The following MNT variants were observed in gnomAD, a reference collection of about 807,000 sequenced individuals.
The protein encoded by MNT is max-binding protein MNT.
Under a neutral mutation model 40.7 loss-of-function variants are expected in MNT, and 13 were observed. That is an observed-to-expected ratio of 0.32 (90% CI 0.21 to 0.51). MNT has a LOEUF of 0.51. Ranked by LOEUF, MNT falls within the 20% of genes least tolerant of loss-of-function variation. MNT has a pLI of 0.98. For missense variants in MNT, 757 were observed against 792.0 expected (o/e 0.96, Z 0.53); for synonymous variants, 426 against 354.8 (o/e 1.20, Z -2.26).
At chr17:2,392,874 G>T (rs936398997) in intron 4 of MNT, 7 of 152,108 alleles carry the variant, frequency 4.6e-5, no homozygotes, top group African/African-American at 1.7e-4. Flanking sequence ...AGGGCGGGCG[G>T]AAGGGCGCGT....
At position 2,385,423 on chromosome 17, in the gene MNT, GGTGA is replaced by G. The variant is rs1177635329; in HGVS notation, c.*1474_*1477del. On this transcript the variant is annotated 3_prime_UTR_variant, in exon 6 of 6. Coordinates refer to ENST00000174618, the MANE Select transcript of MNT (RefSeq NM_020310.3). ...CCTCCCGCTACACTGAAAGGCCACT[GGTGA>G]GTGTGTGTCCAGGTGGGGAGCCGAG... 1 of 152,270 alleles carries G rather than the reference GGTGA, an allele frequency of 6.6e-6. No individual in the cohort carries two copies. The highest frequency in any genetic ancestry group is 1.5e-5 in the Non-Finnish European group (1 of 68,112). 9.4% of individuals were successfully genotyped at this position (152,270 alleles called of 1,614,324 possible).
Position 2,395,195 on chromosome 17 carries a change from G to C in MNT, c.333C>G (p.Ala111=). 1 of 1,463,692 alleles carries C rather than the reference G, an allele frequency of 6.8e-7. No homozygotes were observed. 90.7% of individuals were successfully genotyped at this position (1,463,692 alleles called of 1,614,324 possible). A position where few individuals can be genotyped will look rare whatever the true frequency, so the allele number is the denominator to read the frequency against. ...LPPPPPLPAA[A]QPLPLAPRQP... is the part of the protein sequence containing the mutation. ...GACGAGGCGCCAGGGGCAGAGGCTG[G>C]GCTGCCGCGGGCAAGGGTGGGGGTG... Residue 111 remains alanine (A), a synonymous_variant, in exon 2 of 6, where the codon GCC becomes GCG. Coordinates refer to ENST00000174618, the MANE Select transcript of MNT (RefSeq NM_020310.3).
In MNT at chr17:2,388,016, C is replaced by T. The variant is rs1343968250; in HGVS notation, c.841G>A (p.Glu281Lys). ...TTCTCACGTGCCAGCCGCTCCATTTCATGCTCATATTCCTTCTCCTTCCTC... is the reference window on the plus strand; with the variant it reads ...TTCTCACGTGCCAGCCGCTCCATTTTATGCTCATATTCCTTCTCCTTCCTC... ...LKRKEKEYEH[E>K]MERLAREKIA... Residue 281 changes from glutamate (E) to lysine (K), a missense_variant, in exon 5 of 6, where the codon GAA becomes AAA. By Grantham distance (56) the Glu-to-Lys change is moderately conservative. This residue lies in a region of MNT where 73 missense variants were observed against 100.8 expected (regional missense o/e 0.72). Coordinates refer to ENST00000174618, the MANE Select transcript of MNT (RefSeq NM_020310.3). The T allele has an allele frequency of 6.4e-7, 1 of 1,567,388 alleles. No homozygotes were observed. The highest frequency in any genetic ancestry group is 1.2e-5 in the South Asian group (1 of 86,164).
Position 2,395,420 on chromosome 17 carries a change from T to TCGCTCCTGCTCCAAGCGAAGC in MNT, c.87_107dup (p.Leu30_Arg36dup), listed in dbSNP as rs747820798. Reference sequence around the variant, plus strand: ...TATTGGCCTTCTTCTGTTCCTGCTCTCGCTCCTGCTCCAAGCGAAGCCGCT... The same window carrying TCGCTCCTGCTCCAAGCGAAGC: ...TATTGGCCTTCTTCTGTTCCTGCTCTCGCTCCTGCTCCAAGCGAAGCCGCTCCTGCTCCAAGCGAAGCCGCT... On this transcript the variant is annotated inframe_insertion, in exon 2 of 6. Coordinates refer to ENST00000174618, the MANE Select transcript of MNT (RefSeq NM_020310.3). The TCGCTCCTGCTCCAAGCGAAGC allele has an allele frequency of 2.1e-5, 34 of 1,613,158 alleles. No individual in the cohort carries two copies. In the South Asian group the frequency reaches 2.6e-4, roughly 13 times the overall value.
chr17:2,393,092 C>T (rs1325925709), intron 4 of MNT, among the ~76,000 whole-genome samples: 1 of 151,932 alleles, frequency 6.6e-6, no homozygotes, highest in Admixed American at 6.5e-5. Flanking sequence ...GCGCCGCCCC[C>T]GGAGCTTCCT....
At chr17:2,395,580 A>G (rs1398392581) in intron 1 of MNT, 126 bp from the exon 2 acceptor site, 14 of 1,480,736 alleles carry the variant, frequency 9.5e-6, no homozygotes, top group African/African-American at 1.4e-5. Context: ...AGACACCACA[A>G]ATAGCCTACC....
intron 1 of MNT, among the ~76,000 whole-genome samples, chr17:2,399,660 C>A (rs1044839676): frequency 2.6e-5 from 4 of 151,950 alleles, no homozygotes; most frequent in African/African-American, 9.7e-5. Flanking sequence ...CCAGGCCCCG[C>A]CCCCGGCCGA....
chr17:2,388,462 T>C (rs1335580345), intron 4 of MNT, among the ~76,000 whole-genome samples: 2 of 152,072 alleles, frequency 1.3e-5, no homozygotes, highest in African/African-American at 2.4e-5. Flanking sequence ...CCTGGTAACA[T>C]CAACATCCTT....
chr17:2,393,968 C>T, intron 4 of MNT, 75 bp downstream of exon 4: 2 of 1,017,684 alleles, frequency 2.0e-6, no homozygotes, highest in Non-Finnish European at 2.7e-6. Context: ...GAGGGCGGGG[C>T]GGGGCGCGGC....
intron 4 of MNT, 81 bp downstream of exon 4, chr17:2,393,962 G>T: frequency 1.1e-6 from 1 of 915,964 alleles, no homozygotes; most frequent in Non-Finnish European, 1.5e-6. Context: ...GGGCGTGAGG[G>T]CGGGGCGGGG....
intron 1 of MNT, among the ~76,000 whole-genome samples, chr17:2,395,784 C>T (rs1448646943): frequency 6.6e-6 from 1 of 152,064 alleles, no homozygotes; most frequent in Non-Finnish European, 1.5e-5. Flanking sequence ...TGCAGGCCAC[C>T]TGCCAGCCTG....
intron 2 of MNT, 40 bp from the exon 3 acceptor site, chr17:2,394,386 C>T: frequency 6.2e-7 from 1 of 1,612,386 alleles, no homozygotes; most frequent in Non-Finnish European, 8.5e-7. Context: ...GAGGAGGACT[C>T]GATTAGACGG....
rs1433568256 is a variant in MNT at position 2,385,643 on chromosome 17, C to CG, written c.*1257dup. 3.3e-5 allele frequency: 5 copies of CG among 152,354 alleles called. No homozygotes were observed. The highest frequency in any genetic ancestry group is 9.6e-5 in the African/African-American group (4 of 41,454). 9.4% of individuals were successfully genotyped at this position (152,354 alleles called of 1,614,324 possible). A position where few individuals can be genotyped will look rare whatever the true frequency, so the allele number is the denominator to read the frequency against. On this transcript the variant is annotated 3_prime_UTR_variant, in exon 6 of 6. Coordinates refer to ENST00000174618, the MANE Select transcript of MNT (RefSeq NM_020310.3). ...AAGGTGCTGCTGCTCTGCAGCTCCC[C>CG]GGGCAGGGCCCACTCAAAAGCGTCC...
chr17:2,400,973 T>C lies in MNT; in HGVS notation c.-261A>G. 1 of 350,672 alleles carries C rather than the reference T, an allele frequency of 2.9e-6. No homozygotes were observed. Among genetic ancestry groups the C allele is most frequent in the African/African-American group, 2.2e-5 (1 of 45,290 alleles). 21.7% of individuals were successfully genotyped at this position (350,672 alleles called of 1,614,324 possible). A position where few individuals can be genotyped will look rare whatever the true frequency, so the allele number is the denominator to read the frequency against. On this transcript the variant is annotated 5_prime_UTR_variant, in exon 1 of 6. Coordinates refer to ENST00000174618, the MANE Select transcript of MNT (RefSeq NM_020310.3). ...AAAAAAGGCGGCACTGCCTCCCTTC[T>C]TCCCCTCCCTCTCTACCTCCCTTCC...
chr17:2,388,104 A>G, intron 4 of MNT, 55 bp from the exon 5 acceptor site: 1 of 1,479,378 alleles, frequency 6.8e-7, no homozygotes, highest in Non-Finnish European at 9.1e-7. Flanking sequence ...CTTGGGGCCC[A>G]AAGCCCCCAC....
chr17:2,392,703 C>CG (rs1773037015), intron 4 of MNT: 1 of 151,958 alleles, frequency 6.6e-6, no homozygotes, highest in Non-Finnish European at 1.5e-5. Context: ...CGCGCACCCA[C>CG]GCGGCCGCGG....
rs752397925 is a variant in MNT at position 2,387,526 on chromosome 17, G to A, written c.1124C>T (p.Pro375Leu). The stretch of plus-strand genomic sequence containing the variant: ...GTGTGGGTGTGGAGGCAGAGGCGCA[G>A]GGGTGGTGCTGGGGGGTGGCAGGGT... ...KSTLPPPSTT[P>L]APLPPHPHPH... Residue 375 changes from proline (P) to leucine (L), a missense_variant, in exon 6 of 6, where the codon CCT becomes CTT. This residue lies in a region of MNT where 345 missense variants were observed against 380.1 expected (regional missense o/e 0.91). Coordinates refer to ENST00000174618, the MANE Select transcript of MNT (RefSeq NM_020310.3). 6 of 1,613,662 alleles carry A rather than the reference G, an allele frequency of 3.7e-6. No homozygotes were observed. In the South Asian group the frequency reaches 6.6e-5, roughly 18 times the overall value.
At chr17:2,396,267 C>T (rs2066578282) in intron 1 of MNT, among the ~76,000 whole-genome samples, 1 of 152,200 alleles carries the variant, frequency 6.6e-6, no homozygotes, top group Admixed American at 6.5e-5. Flanking sequence ...CCCTCTCTGA[C>T]CCTTCTCGTG....
At position 2,387,575 on chromosome 17, in the gene MNT, G is replaced by A; in HGVS notation, c.1075C>T (p.Pro359Ser). The change falls in exon 6 of 6, where the codon CCC (proline) becomes TCC (serine). Residue 359 changes from proline to serine, a missense_variant. This residue lies in a region of MNT where 345 missense variants were observed against 380.1 expected (regional missense o/e 0.91). Coordinates refer to ENST00000174618, the MANE Select transcript of MNT (RefSeq NM_020310.3). ...GLGPPKLSHR[P>S]QPELLKSTLP... Reference sequence around the variant, plus strand: ...GTGGACTTCAGCAGCTCCGGCTGGGGACGATGGCTCAGCTTAGGTGGGCCC... The same window carrying A: ...GTGGACTTCAGCAGCTCCGGCTGGGAACGATGGCTCAGCTTAGGTGGGCCC... 1 of 1,614,088 alleles carries A rather than the reference G, an allele frequency of 6.2e-7. No individual in the cohort carries two copies. The highest frequency in any genetic ancestry group is 8.5e-7 in the Non-Finnish European group (1 of 1,179,986).
Sources: allele counts gnomAD v4.1 joint callset (sites outside exome capture counted in the v4.1 genomes callset), GRCh38; gene constraint gnomAD v4.1.1; regional missense constraint gnomAD v4.1.1; transcripts MANE v1.5; gene names NCBI Gene and HGNC (gene_info 2026-07-23, HGNC 2026-07-21).